Variants in ARHGAP4 observed in about 807,000 individuals in gnomAD.
ARHGAP4 encodes Rho GTPase activating protein 4.
Under a neutral mutation model 67.6 loss-of-function variants are expected in ARHGAP4, and 25 were observed. The ratio of observed to expected loss-of-function variants is 0.37; its 90% CI spans 0.27 to 0.52. ARHGAP4 has a LOEUF of 0.52. Among genes scored for constraint, ARHGAP4 ranks in the 20% least tolerant of loss-of-function variants. The pLI is 0.92. For missense variants in ARHGAP4, 804 were observed against 854.6 expected (o/e 0.94, Z 0.74); for synonymous variants, 448 against 373.7 (o/e 1.20, Z -2.29).
At chrX:153,909,578 G>A (rs1417011839) in intron 19 of ARHGAP4, 43 bp from the exon 20 acceptor site, 9 of 1,104,385 alleles carry the variant, frequency 8.1e-6, no homozygotes, top group South Asian at 4.1e-5. Flanking sequence ...CTCCTTCCCT[G>A]CACGGGGTCC....
intron 7 of ARHGAP4, among the ~76,000 whole-genome samples, chrX:153,915,234 G>C (rs1025854983): frequency 1.6e-4 from 18 of 110,581 alleles, no homozygotes; most frequent in East Asian, 5.7e-4. Context: ...GGGCTGGGGG[G>C]TGGGGAGTTG....
At chrX:153,917,172 C>A (rs781896991) in intron 7 of ARHGAP4, among the ~76,000 whole-genome samples, 1 of 110,606 alleles carries the variant, frequency 9.0e-6, no homozygotes, top group African/African-American at 3.3e-5. Context: ...GCCGACATTG[C>A]GCCACTGCAC....
chrX:153,921,100 C>T lies in ARHGAP4; in HGVS notation c.495G>A (p.Gln165=). The T allele has an allele frequency of 8.3e-7, 1 of 1,203,086 alleles. No individual in the cohort carries two copies. The highest frequency in any genetic ancestry group is 2.3e-4 in the Middle Eastern group (1 of 4,334). Residue 165 remains glutamine (Q), a synonymous_variant, in exon 4 of 22, where the codon CAG becomes CAA. Transcript: ENST00000350060. ...CCCTCCCCAGCCCTTTCCTCACCGT[C>T]TGGAGCTCTGAGACCACCTCCAGGA... is the stretch of plus-strand genomic sequence containing the variant. ...DELLEVVSEL[Q]TAKKTYQAYH...
intron 5 of ARHGAP4, chrX:153,919,798 T>TA (rs2065080867): frequency 1.2e-6 from 1 of 842,047 alleles, no homozygotes; most frequent in African/African-American, 2.2e-5. Flanking sequence ...TTTTATTTTT[T>TA]TTTTTTGAGA....
chrX:153,920,612 C>T lies in ARHGAP4; in HGVS notation c.681+14G>A, dbSNP rs2065086043. 3 of 1,187,434 alleles carry T rather than the reference C, an allele frequency of 2.5e-6. No homozygotes were observed. Among genetic ancestry groups the T allele is most frequent in the Non-Finnish European group, 2.3e-6 (2 of 883,821 alleles). On this transcript the variant is annotated intron_variant, in intron 5 of 21. Transcript: ENST00000350060. Reference sequence around the variant, plus strand: ...GGCCCATAGGCCTGCGTCTGAGGTGCCCTCCAGGCCCACCTTCTCCACCAG... The same window carrying T: ...GGCCCATAGGCCTGCGTCTGAGGTGTCCTCCAGGCCCACCTTCTCCACCAG...
chrX:153,915,287 G>C (rs1320554900), intron 7 of ARHGAP4, among the ~76,000 whole-genome samples: 1 of 112,246 alleles, frequency 8.9e-6, no homozygotes, highest in Non-Finnish European at 1.9e-5. Flanking sequence ...AGATGAACAA[G>C]TTCTGCGGCT....
chrX:153,910,289 C>T lies in ARHGAP4; in HGVS notation c.2038G>A (p.Val680Met), dbSNP rs781837671. 9 of 1,208,587 alleles carry T rather than the reference C, an allele frequency of 7.4e-6. No individual in the cohort carries two copies. The highest frequency in any genetic ancestry group is 3.5e-5 in the South Asian group (2 of 56,688). ...GQDPVALQGR[V>M]NQLVQTLIVQ... ...ATGAGCGTCTGCACCAGCTGGTTCA[C>T]CCGGCCCTGCAGCGCCACCGGGTCC... The change falls in exon 17 of 22, where the codon GTG (valine) becomes ATG (methionine). Residue 680 changes from valine (V) to methionine (M), a missense_variant. Val to Met is a conservative substitution (Grantham distance 21). Transcript: ENST00000350060.
rs1557104730 is a variant in ARHGAP4, at chrX:153,919,247, T to C, written c.718A>G (p.Thr240Ala). ...AKFMEHKLKC[T>A]KARNEYLLSL... is the part of the protein sequence containing the mutation. ...AGCAGGTACTCGTTGCGCGCCTTTG[T>C]GCACTTGAGTTTGTGCTCCATGAAC... The change falls in exon 6 of 22, where the codon ACA becomes GCA. Residue 240 changes from threonine to alanine, a missense_variant. Thr to Ala is a moderately conservative substitution (Grantham distance 58). Transcript: ENST00000350060. 1 of 1,212,386 alleles carries C rather than the reference T, an allele frequency of 8.2e-7. No individual in the cohort carries two copies.
chrX:153,913,652 A>C (rs113431005), intron 8 of ARHGAP4, 52 bp from the exon 9 acceptor site: 1 of 1,175,877 alleles, frequency 8.5e-7, no homozygotes, highest in African/African-American at 1.8e-5. Flanking sequence ...AGGGAGGGAG[A>C]CAGGAAGTCC....
intron 5 of ARHGAP4, 90 bp downstream of exon 5, chrX:153,920,536 C>A: frequency 1.0e-6 from 1 of 1,000,288 alleles, no homozygotes; most frequent in Non-Finnish European, 1.3e-6. Context: ...CCCTCCCCTG[C>A]ACCCAGCCCT....
chrX:153,910,465 A>G (rs1372023405), intron 16 of ARHGAP4, 41 bp downstream of exon 16: 2 of 802,559 alleles, frequency 2.5e-6, no homozygotes, highest in African/African-American at 2.3e-5. Context: ...TGTCCCCTCG[A>G]CCCCTGGCCC....
At chrX:153,922,018 C>A (rs1012014088) in intron 1 of ARHGAP4, 3 of 894,402 alleles carry the variant, frequency 3.4e-6, no homozygotes, top group African/African-American at 2.0e-5. Context: ...GCTGTCCAGC[C>A]GACCTCTGCG....
rs1439320119 is a variant in ARHGAP4 at position 153,910,105 on chromosome X, G to A, written c.2157-20C>T. Reference sequence around the variant, plus strand: ...GCGTCCCTGAGGTTCAGGGCAGAGCGAGGCAGATGAGGGGGGCTCTTCTCC... The same window carrying A: ...GCGTCCCTGAGGTTCAGGGCAGAGCAAGGCAGATGAGGGGGGCTCTTCTCC... On this transcript the variant is annotated intron_variant, in intron 17 of 21. Coordinates refer to ENST00000350060, the MANE Select transcript of ARHGAP4 (RefSeq NM_001666.5). The A allele has an allele frequency of 6.6e-6, 8 of 1,210,581 alleles. No homozygotes were observed. The East Asian group carries it at 1.2e-4, about 18-fold the overall frequency.
In ARHGAP4 at chrX:153,907,466, A is replaced by G; in HGVS notation, c.*263T>C. On this transcript the variant is annotated 3_prime_UTR_variant, in exon 22 of 22. Coordinates refer to ENST00000350060, the MANE Select transcript of ARHGAP4 (RefSeq NM_001666.5). Reference sequence around the variant, plus strand: ...ACCCGCCACCCAGCAGCCACTGATCAGCCTTCCACAAAGCTGCAGAAGAGG... The same window carrying G: ...ACCCGCCACCCAGCAGCCACTGATCGGCCTTCCACAAAGCTGCAGAAGAGG... The G allele has an allele frequency of 2.8e-6, 1 of 357,262 alleles. No individual in the cohort carries two copies. The highest frequency in any genetic ancestry group is 4.8e-5 in the Admixed American group (1 of 20,991). 29.4% of individuals were successfully genotyped at this position (357,262 alleles called of 1,213,427 possible).
In ARHGAP4 at chrX:153,910,599, G is replaced by C. The variant is rs782448315; in HGVS notation, c.1829C>G (p.Thr610Arg). ...GCTCACGTGCTCCACCCTCTCCGCT[G>C]TGGCCTCCAGCTCTGTGGCCAAAGC... Reference protein sequence around the residue: ...ELLASSELEATAERVEHVSRL... With the variant: ...ELLASSELEARAERVEHVSRL... Residue 610 changes from threonine to arginine, a missense_variant, in exon 16 of 22, where the codon ACA (threonine) becomes AGA (arginine). By Grantham distance (71) the Thr-to-Arg change is moderately conservative. This residue lies in a region of ARHGAP4 where 400 missense variants were observed against 348.7 expected (regional missense o/e 1.15). Coordinates refer to ENST00000350060, the MANE Select transcript of ARHGAP4 (RefSeq NM_001666.5). The C allele has an allele frequency of 5.8e-6, 7 of 1,206,663 alleles. 1 individual carries two copies. The South Asian group carries it at 1.2e-4, about 21-fold the overall frequency.
At chrX:153,915,340 C>T (rs1214968502) in intron 7 of ARHGAP4, among the ~76,000 whole-genome samples, 8 of 112,071 alleles carry the variant, frequency 7.1e-5, no homozygotes, top group Non-Finnish European at 1.1e-4. Flanking sequence ...TGTGCTTCTG[C>T]CCCTGGGCCG....
chrX:153,912,169 G>T (rs782013818), intron 12 of ARHGAP4, among the ~76,000 whole-genome samples: 1 of 105,488 alleles, frequency 9.5e-6, no homozygotes, highest in African/African-American at 3.5e-5. Context: ...TTACAGGCAC[G>T]TGCCACCATG....
intron 1 of ARHGAP4, 57 bp downstream of exon 1, chrX:153,926,079 C>G: frequency 8.5e-7 from 1 of 1,179,807 alleles, no homozygotes; most frequent in East Asian, 3.2e-5. Context: ...TTGGAGCTCC[C>G]TCACGACCTT....
In ARHGAP4 at chrX:153,926,011, A is replaced by C. The variant is rs782738576; in HGVS notation, c.67+125T>G. Reference sequence around the variant, plus strand: ...GCAAGGGGCTCAGGCTCCCTCCTCCACCCCCGCTCCAGAGGTCGCTGGGGA... The same window carrying C: ...GCAAGGGGCTCAGGCTCCCTCCTCCCCCCCCGCTCCAGAGGTCGCTGGGGA... On this transcript the variant is annotated intron_variant, in intron 1 of 21. Transcript: ENST00000350060. 1.0e-5 allele frequency: 10 copies of C among 980,163 alleles called. No individual in the cohort carries two copies. The Admixed American group carries it at 1.6e-4, about 15-fold the overall frequency. The allele number at this position is 980,163 out of a possible 1,213,427, so 80.8% of individuals were successfully genotyped here.
Sources: allele counts gnomAD v4.1 joint callset (sites outside exome capture counted in the v4.1 genomes callset), GRCh38; gene constraint gnomAD v4.1.1; regional missense constraint gnomAD v4.1.1; transcripts MANE v1.5; gene names NCBI Gene and HGNC (gene_info 2026-07-23, HGNC 2026-07-21).